The following CDH4 variants were observed in gnomAD, a reference collection of about 807,000 sequenced individuals.
CDH4 encodes the protein cadherin-4.
In CDH4, 33 loss-of-function variants were observed where a neutral mutation model predicts 86.0. That is an observed-to-expected ratio of 0.38 (90% CI 0.29 to 0.51). The LOEUF is 0.51. CDH4 is among the 20% of genes least tolerant of loss of function. The probability of loss-of-function intolerance (pLI) is 0.86; values close to 1 mark genes in which losing one functional copy is unlikely to be tolerated. For missense variants in CDH4, 1,114 were observed against 1,307.4 expected, an observed-to-expected ratio of 0.85 and a Z score of 2.28; for synonymous variants, 555 against 549.4, an observed-to-expected ratio of 1.01 and a Z score of -0.14.
At chr20:61,391,862 C>A (rs370466139) in intron 2 of CDH4, among the ~76,000 whole-genome samples, 2 of 152,116 alleles carry the variant, frequency 1.3e-5, no homozygotes, top group Non-Finnish European at 2.9e-5. Context: ...TACACTGAGA[C>A]GCTAGGAGGG....
chr20:61,625,989 C>T (rs141833542), intron 2 of CDH4, among the ~76,000 whole-genome samples: 38 of 152,374 alleles, frequency 2.5e-4, no homozygotes, highest in African/African-American at 8.2e-4. Flanking sequence ...GCTGCACCCA[C>T]GTTAGCGCCC....
chr20:61,873,809 C>A lies in CDH4; in HGVS notation c.959C>A (p.Thr320Asn), dbSNP rs747060718. ...ANGMVRYRIV[T>N]QTPQSPSQNM... Reference sequence around the variant, plus strand: ...GGGATGGTGCGGTACCGGATCGTGACCCAGACCCCACAGAGCCCGTCCCAG... The same window carrying A: ...GGGATGGTGCGGTACCGGATCGTGAACCAGACCCCACAGAGCCCGTCCCAG... The change falls in exon 7 of 16, where the codon ACC becomes AAC. Residue 320 changes from threonine (T) to asparagine (N), a missense_variant. Transcript: ENST00000614565. The A allele has an allele frequency of 2.5e-6, 4 of 1,613,958 alleles. No homozygotes were observed. In the African/African-American group the frequency reaches 4.0e-5, roughly 16 times the overall value.
At chr20:61,924,979 G>A (rs766076232) in intron 11 of CDH4, among the ~76,000 whole-genome samples, 20 of 152,168 alleles carry the variant, frequency 1.3e-4, no homozygotes, top group East Asian at 3.9e-4. Context: ...CAGCAGCCCC[G>A]GGGGTGCCGC....
chr20:61,801,382 G>T (rs1024792112), intron 4 of CDH4, among the ~76,000 whole-genome samples: 1 of 152,210 alleles, frequency 6.6e-6, no homozygotes, highest in Non-Finnish European at 1.5e-5. Context: ...TAAAGCCATG[G>T]ACCCTCAGAG....
chr20:61,566,452 G>A (rs190475556), intron 2 of CDH4, among the ~76,000 whole-genome samples: 17 of 152,214 alleles, frequency 1.1e-4, no homozygotes, highest in Admixed American at 5.2e-4. Flanking sequence ...ACCACGAGCC[G>A]GAGACTTTCA....
chr20:61,854,017 T>A (rs112013476), intron 6 of CDH4, among the ~76,000 whole-genome samples: 37 of 152,296 alleles, frequency 2.4e-4, no homozygotes, highest in African/African-American at 8.7e-4. Flanking sequence ...GGACTTACAC[T>A]AAGAGAGTAA....
intron 5 of CDH4, among the ~76,000 whole-genome samples, chr20:61,848,397 G>C (rs1004322064): frequency 6.6e-6 from 1 of 152,156 alleles, no homozygotes; most frequent in Non-Finnish European, 1.5e-5. Context: ...TTTGAGACAG[G>C]GTCTCGCTCT....
chr20:61,893,022 AGGGTGGAT>A, intron 7 of CDH4, among the ~76,000 whole-genome samples: 1 of 12,328 alleles, frequency 8.1e-5, no homozygotes, highest in Non-Finnish European at 1.5e-4. Context: ...GGTGGGTGGG[AGGGTGGAT>A]GGATAGATGG....
intron 2 of CDH4, among the ~76,000 whole-genome samples, chr20:61,292,668 G>C (rs2123186136): frequency 6.6e-6 from 1 of 152,390 alleles, no homozygotes; most frequent in African/African-American, 2.4e-5. Context: ...GTGCGGCCAG[G>C]GCTGACCTGC....
At chr20:61,704,485 C>T (rs1040061841) in intron 2 of CDH4, among the ~76,000 whole-genome samples, 4 of 152,266 alleles carry the variant, frequency 2.6e-5, no homozygotes, top group South Asian at 2.1e-4. Flanking sequence ...GCCTGGCTGG[C>T]GCCGCCTTCT....
chr20:61,405,697 AT>A (rs543828715), intron 2 of CDH4, among the ~76,000 whole-genome samples: 13,320 of 145,560 alleles, frequency 0.092, 733 homozygotes, highest in African/African-American at 0.17. Context: ...TGTATCTATA[AT>A]TTTTTTTTTT....
At chr20:61,790,697 CATTT>C (rs2146015163) in intron 4 of CDH4, among the ~76,000 whole-genome samples, 1 of 151,840 alleles carries the variant, frequency 6.6e-6, no homozygotes, top group African/African-American at 2.4e-5. Flanking sequence ...TCCATCCATC[CATTT>C]GTCTCTCCAT....
Position 61,322,362 on chromosome 20 carries a change from C to T in CDH4, c.169+67425C>T, listed in dbSNP as rs554352894. ...CTCTCCCGCAGCAGCTGGGAGGTGC[C>T]GGCATCAGGATCCGCAGCCCACACC... On this transcript the variant is annotated intron_variant, in intron 2 of 15. Transcript: ENST00000614565. 4.3e-3 allele frequency among the ~76,000 whole-genome samples: 653 copies of T among 152,306 alleles called. 8 individuals carry two copies. The highest frequency in any genetic ancestry group is 0.015 in the African/African-American group (613 of 41,564).
At chr20:61,433,419 A>G (rs907110343) in intron 2 of CDH4, among the ~76,000 whole-genome samples, 1 of 152,112 alleles carries the variant, frequency 6.6e-6, no homozygotes, top group Non-Finnish European at 1.5e-5. Flanking sequence ...TGGTAGCGTC[A>G]GCCATTCGAC....
At chr20:61,434,645 C>G (rs574781734) in intron 2 of CDH4, 2 of 152,272 alleles carry the variant, frequency 1.3e-5, no homozygotes, top group African/African-American at 4.8e-5. Flanking sequence ...CATTAGCGAG[C>G]TTCATAAACA....
intron 2 of CDH4, among the ~76,000 whole-genome samples, chr20:61,586,590 A>T (rs1428770397): frequency 2.0e-5 from 3 of 152,218 alleles, no homozygotes; most frequent in Non-Finnish European, 4.4e-5. Flanking sequence ...TCTGAAGGAA[A>T]ATTAAGCAGC....
Position 61,404,451 on chromosome 20 carries a change from A to C in CDH4, c.169+149514A>C, listed in dbSNP as rs73611523. On this transcript the variant is annotated intron_variant, in intron 2 of 15. Coordinates refer to ENST00000614565, the MANE Select transcript of CDH4 (RefSeq NM_001794.5). ...TTTCACGCTTCTTGCCTTTTCTGAA[A>C]TATCCGGTGGCATTAAACGCACCCA... Among the ~76,000 whole-genome samples the C allele has an allele frequency of 5.3e-5, 8 of 152,260 alleles. No individual in the cohort carries two copies. In the East Asian group the frequency reaches 1.5e-3, roughly 29 times the overall value.
At chr20:61,412,150 A>G (rs922587350) in intron 2 of CDH4, among the ~76,000 whole-genome samples, 1 of 152,236 alleles carries the variant, frequency 6.6e-6, no homozygotes, top group African/African-American at 2.4e-5. Context: ...TACCCAGATC[A>G]TGGTGGGTAG....
chr20:61,658,996 C>T (rs2087222987), intron 2 of CDH4, among the ~76,000 whole-genome samples: 1 of 152,206 alleles, frequency 6.6e-6, no homozygotes, highest in African/African-American at 2.4e-5. Context: ...AACAGGCCCC[C>T]AGGCTGCTGT....
Sources: allele counts gnomAD v4.1 joint callset (sites outside exome capture counted in the v4.1 genomes callset), GRCh38; gene constraint gnomAD v4.1.1; transcripts MANE v1.5; gene names NCBI Gene and HGNC (gene_info 2026-07-23, HGNC 2026-07-21).